Variants in CACNA2D3 observed in about 807,000 individuals in gnomAD.
The protein encoded by CACNA2D3 is voltage-dependent calcium channel subunit alpha-2/delta-3.
Under a neutral mutation model 160.6 loss-of-function variants are expected in CACNA2D3, and 60 were observed. The observed-to-expected ratio is 0.37, with a 90% confidence interval of 0.30 to 0.46. CACNA2D3 has a LOEUF of 0.46. Among genes scored for constraint, CACNA2D3 ranks in the 20% least tolerant of loss-of-function variants. The pLI is 1.00. For synonymous variants in CACNA2D3, 558 were observed against 492.9 expected, an observed-to-expected ratio of 1.13 and a Z score of -1.75; for missense variants, 1,205 against 1,365.0, an observed-to-expected ratio of 0.88 and a Z score of 1.85.
chr3:54,593,346 T>G (rs1702896241), intron 9 of CACNA2D3, among the ~76,000 whole-genome samples: 1 of 151,972 alleles, frequency 6.6e-6, no homozygotes, highest in Non-Finnish European at 1.5e-5. Context: ...CAGAATAGTA[T>G]GGTTCATGGC....
chr3:54,773,374 A>G (rs2107116111), intron 13 of CACNA2D3, among the ~76,000 whole-genome samples: 1 of 152,332 alleles, frequency 6.6e-6, no homozygotes, highest in African/African-American at 2.4e-5. Flanking sequence ...CTGCATATCA[A>G]AGAAGTTCCA....
At chr3:54,361,666 G>A (rs1392383873) in intron 3 of CACNA2D3, among the ~76,000 whole-genome samples, 1 of 152,214 alleles carries the variant, frequency 6.6e-6, no homozygotes, top group African/African-American at 2.4e-5. Flanking sequence ...GACTAGGCTT[G>A]TGGTTGACCA....
At chr3:54,209,707 C>A (rs928017956) in intron 2 of CACNA2D3, among the ~76,000 whole-genome samples, 3 of 152,172 alleles carry the variant, frequency 2.0e-5, no homozygotes, top group Admixed American at 6.5e-5. Flanking sequence ...AAGCAGTTCC[C>A]TTGGATTATA....
intron 2 of CACNA2D3, among the ~76,000 whole-genome samples, chr3:54,146,969 A>C (rs12493623): frequency 6.6e-6 from 1 of 152,192 alleles, no homozygotes; most frequent in Non-Finnish European, 1.5e-5. Flanking sequence ...TCTTACCTGC[A>C]TGAAAGTTTC....
At chr3:54,537,093 C>CAGAG (rs35469509) in intron 5 of CACNA2D3, among the ~76,000 whole-genome samples, 76 of 148,538 alleles carry the variant, frequency 5.1e-4, no homozygotes, top group Middle Eastern at 7.0e-3. Flanking sequence ...GAAACCAAGG[C>CAGAG]AGAGAGAGAG....
At chr3:54,749,553 C>A (rs767568468) in intron 11 of CACNA2D3, among the ~76,000 whole-genome samples, 1 of 151,940 alleles carries the variant, frequency 6.6e-6, no homozygotes, top group Non-Finnish European at 1.5e-5. Flanking sequence ...GGTGGAATTA[C>A]TGTGTGAAAA....
At chr3:54,163,521 C>T (rs140308463) in intron 2 of CACNA2D3, among the ~76,000 whole-genome samples, 126 of 152,324 alleles carry the variant, frequency 8.3e-4, no homozygotes, top group African/African-American at 2.9e-3. Context: ...GTGCATGTTT[C>T]ACTTCCTGCT....
Position 54,762,171 on chromosome 3 carries a change from T to A in CACNA2D3, c.1247-2047T>A, listed in dbSNP as rs574864176. 3.9e-5 allele frequency among the ~76,000 whole-genome samples: 6 copies of A among 152,280 alleles called. 1 individual carries two copies. The South Asian group carries it at 1.2e-3, about 32-fold the overall frequency. On this transcript the variant is annotated intron_variant, in intron 12 of 37. Coordinates refer to ENST00000474759, the MANE Select transcript of CACNA2D3 (RefSeq NM_018398.3). ...GATAAAGTCTAAACTCTTTCCCAAG[T>A]TCTGTGTGACAGTCCTCCTGCCCAT...
At chr3:54,331,344 G>GT (rs1315929321) in intron 3 of CACNA2D3, among the ~76,000 whole-genome samples, 2 of 152,150 alleles carry the variant, frequency 1.3e-5, no homozygotes, top group African/African-American at 4.8e-5. Flanking sequence ...CTCCGTAGTC[G>GT]TTTATTTGCT....
At chr3:54,181,948 G>A (rs1700791855) in intron 2 of CACNA2D3, among the ~76,000 whole-genome samples, 1 of 152,002 alleles carries the variant, frequency 6.6e-6, no homozygotes, top group South Asian at 2.1e-4. Flanking sequence ...TATTTATAAT[G>A]GTTTGAAGCA....
chr3:54,309,841 T>C (rs1314676403), intron 2 of CACNA2D3, among the ~76,000 whole-genome samples: 1 of 152,080 alleles, frequency 6.6e-6, no homozygotes, highest in Non-Finnish European at 1.5e-5. Flanking sequence ...CAGGTCATGC[T>C]CTGAATCCCT....
chr3:54,722,586 G>T (rs1469322523), intron 11 of CACNA2D3, among the ~76,000 whole-genome samples: 1 of 152,080 alleles, frequency 6.6e-6, no homozygotes, highest in African/African-American at 2.4e-5. Flanking sequence ...ACCTTCGGAT[G>T]GGGTCTTTGA....
intron 11 of CACNA2D3, among the ~76,000 whole-genome samples, chr3:54,749,357 A>G (rs970681359): frequency 1.3e-5 from 2 of 152,184 alleles, no homozygotes; most frequent in African/African-American, 4.8e-5. Context: ...ACAGTTTTTG[A>G]CCTTTACAAG....
At chr3:54,818,096 C>A (rs1043453065) in intron 14 of CACNA2D3, among the ~76,000 whole-genome samples, 2 of 152,206 alleles carry the variant, frequency 1.3e-5, no homozygotes, top group African/African-American at 4.8e-5. Flanking sequence ...CACTTATTGA[C>A]ATTTATTCAT....
chr3:54,353,162 G>T (rs1331190947), intron 3 of CACNA2D3, among the ~76,000 whole-genome samples: 3 of 152,156 alleles, frequency 2.0e-5, no homozygotes, highest in Non-Finnish European at 2.9e-5. Context: ...AGCCAATTTG[G>T]TGGTTTTCTT....
At chr3:54,865,039 G>A (rs1390940958) in intron 17 of CACNA2D3, among the ~76,000 whole-genome samples, 1 of 152,214 alleles carries the variant, frequency 6.6e-6, no homozygotes, top group Non-Finnish European at 1.5e-5. Flanking sequence ...GGAAGTGCAG[G>A]GGGAAACTGC....
intron 9 of CACNA2D3, among the ~76,000 whole-genome samples, chr3:54,618,727 A>G (rs1398502268): frequency 6.6e-6 from 1 of 152,120 alleles, no homozygotes; most frequent in Non-Finnish European, 1.5e-5. Context: ...ATCCTGGGCC[A>G]TAGCTTTGCA....
intron 4 of CACNA2D3, among the ~76,000 whole-genome samples, chr3:54,457,315 C>A (rs1038301149): frequency 1.3e-5 from 2 of 151,804 alleles, no homozygotes; most frequent in Non-Finnish European, 2.9e-5. Context: ...CCTTCATTGA[C>A]CCATTTGTTG....
intron 25 of CACNA2D3, chr3:54,894,793 C>A (rs1043163221): frequency 2.5e-6 from 1 of 407,120 alleles, no homozygotes; most frequent in Non-Finnish European, 5.0e-6. Context: ...TTTCAGTATT[C>A]CTGAAGCCTG....
Sources: gnomAD v4.1 joint callset for allele counts (sites outside exome capture counted in the v4.1 genomes callset) on GRCh38, gnomAD v4.1.1 for gene constraint, MANE v1.5 for transcripts, NCBI Gene and HGNC (gene_info 2026-07-23, HGNC 2026-07-21) for gene names.